NTSR1: variants seen among roughly 807,000 people sequenced by gnomAD.
The protein encoded by NTSR1 is neurotensin receptor type 1.
Under a neutral mutation model 31.2 loss-of-function variants are expected in NTSR1, and 29 were observed. The ratio of observed to expected loss-of-function variants is 0.93; its 90% CI spans 0.69 to 1.27. NTSR1 has a LOEUF of 1.27. Among genes scored for constraint, NTSR1 ranks in the 50% most tolerant of loss-of-function variants. NTSR1 has a pLI of 0.00. For synonymous variants in NTSR1, 282 were observed against 269.9 expected (o/e 1.04, Z -0.44); for missense variants, 697 against 595.4 (o/e 1.17, Z -1.78).
intron 3 of NTSR1, 91 bp from the exon 4 acceptor site, chr20:62,759,927 C>A: frequency 1.5e-6 from 2 of 1,290,366 alleles, no homozygotes; most frequent in Non-Finnish European, 2.2e-6. Flanking sequence ...TGAGCCACCA[C>A]GTCCCTCAGC....
Position 62,722,934 on chromosome 20 carries a change from A to G in NTSR1, c.714+13013A>G, listed in dbSNP as rs112903325. On this transcript the variant is annotated intron_variant, in intron 1 of 3. Coordinates refer to ENST00000370501, the MANE Select transcript of NTSR1 (RefSeq NM_002531.3). The stretch of plus-strand genomic sequence containing the variant: ...TCAAAGGAATTATTAAAACAATGTT[A>G]CAAAAGAACACAGAACAAAGAAATA... Among the ~76,000 whole-genome samples, 470 of 152,368 alleles carry G rather than the reference A, an allele frequency of 3.1e-3. 5 individuals carry two copies. Among genetic ancestry groups the G allele is most frequent in the African/African-American group, 0.011 (443 of 41,588 alleles).
intron 1 of NTSR1, among the ~76,000 whole-genome samples, chr20:62,710,789 CCAGGGAGGAAGT>C (rs2147130148): frequency 6.6e-6 from 1 of 152,236 alleles, no homozygotes; most frequent in African/African-American, 2.4e-5. Context: ...AGGCTGGTGT[CCAGGGAGGAAGT>C]CAGGGCCGGT....
chr20:62,750,690 CAAAAAAA>C lies in NTSR1; in HGVS notation c.715-3979_715-3973del, dbSNP rs59850535. Among the ~76,000 whole-genome samples, 164 of 55,158 alleles carry C rather than the reference CAAAAAAA, an allele frequency of 3.0e-3. 2 individuals carry two copies. In the South Asian group the frequency reaches 0.049, roughly 17 times the overall value. 36.2% of individuals were successfully genotyped at this position (55,158 alleles called of 152,430 possible). On this transcript the variant is annotated intron_variant, in intron 1 of 3. Coordinates refer to ENST00000370501, the MANE Select transcript of NTSR1 (RefSeq NM_002531.3). ...TGGGCGACAGAGCGAGACTCCGTCT[CAAAAAAA>C]AAAAAAAAAAAAAAACAATACTGCA...
At chr20:62,757,903 C>A (rs1989538600) in intron 2 of NTSR1, among the ~76,000 whole-genome samples, 1 of 151,886 alleles carries the variant, frequency 6.6e-6, no homozygotes, top group Admixed American at 6.6e-5. Flanking sequence ...GGTCTCTGAG[C>A]CCATGTCTCC....
intron 1 of NTSR1, among the ~76,000 whole-genome samples, chr20:62,736,540 G>A (rs1328485244): frequency 1.3e-5 from 2 of 152,158 alleles, no homozygotes; most frequent in African/African-American, 4.8e-5. Context: ...CAAAGAGAGG[G>A]CTCCCAGCTA....
At position 62,709,335 on chromosome 20, in the gene NTSR1, C is replaced by T. The variant is rs138819154; in HGVS notation, c.128C>T (p.Ser43Leu). ...PGFGNASGNA[S>L]ERVLAAPSSE... ...TTCGGCAACGCTTCGGGCAACGCGT[C>T]GGAGCGCGTCCTGGCGGCACCCAGC... Residue 43 changes from serine (S) to leucine (L), a missense_variant, in exon 1 of 4, where the codon TCG becomes TTG. Physicochemically the swap from Ser to Leu is moderately radical, Grantham distance 145. Coordinates refer to ENST00000370501, the MANE Select transcript of NTSR1 (RefSeq NM_002531.3). 26 of 1,609,050 alleles carry T rather than the reference C, an allele frequency of 1.6e-5. No individual in the cohort carries two copies. Among genetic ancestry groups the T allele is most frequent in the Middle Eastern group, 3.3e-4 (2 of 6,072 alleles).
Position 62,743,952 on chromosome 20 carries a change from C to T in NTSR1, c.715-10733C>T, listed in dbSNP as rs1057513875. On this transcript the variant is annotated intron_variant, in intron 1 of 3. Transcript: ENST00000370501. This position sits in a 1 kb window ranked among gnomAD's most constrained non-coding sequence, Gnocchi z 7.5. The stretch of plus-strand genomic sequence containing the variant: ...CCTCCCGCTCCCCACCTGGTCTCCA[C>T]GGCCAAGCTCAGACCAACCACCCAG... 3.9e-5 allele frequency among the ~76,000 whole-genome samples: 6 copies of T among 152,184 alleles called. No individual in the cohort carries two copies. The highest frequency in any genetic ancestry group is 2.1e-4 in the South Asian group (1 of 4,828).
Position 62,741,568 on chromosome 20 carries a change from G to A in NTSR1, c.715-13117G>A, listed in dbSNP as rs1351708528. 2.0e-5 allele frequency among the ~76,000 whole-genome samples: 3 copies of A among 149,554 alleles called. No individual in the cohort carries two copies. Among genetic ancestry groups the A allele is most frequent in the African/African-American group, 7.5e-5 (3 of 40,060 alleles). ...CATGTCTGTGCGCCCCTTCGAGCAT[G>A]CCTGGGCATTGTCCATGGTACTGAA... is the stretch of plus-strand genomic sequence containing the variant. On this transcript the variant is annotated intron_variant, in intron 1 of 3. Coordinates refer to ENST00000370501, the MANE Select transcript of NTSR1 (RefSeq NM_002531.3). This position sits in a 1 kb window ranked among gnomAD's most constrained non-coding sequence, Gnocchi z 4.3.
At position 62,741,123 on chromosome 20, in the gene NTSR1, G is replaced by C. The variant is rs1989197723; in HGVS notation, c.715-13562G>C. ...CAGGTAGAGGAGGCAAGGGTGTCAGGAAGGCTCTTTCCCTAATCTGACTAA... is the reference window on the plus strand; with the variant it reads ...CAGGTAGAGGAGGCAAGGGTGTCAGCAAGGCTCTTTCCCTAATCTGACTAA... On this transcript the variant is annotated intron_variant, in intron 1 of 3. Transcript: ENST00000370501. The surrounding 1 kb of genome is among the most constrained non-coding windows in gnomAD (Gnocchi z 4.3). 6.6e-6 allele frequency among the ~76,000 whole-genome samples: 1 copy of C among 152,040 alleles called. No individual in the cohort carries two copies. Among genetic ancestry groups the C allele is most frequent in the African/African-American group, 2.4e-5 (1 of 41,408 alleles).
chr20:62,710,718 C>T (rs1033695610), intron 1 of NTSR1, among the ~76,000 whole-genome samples: 7 of 152,012 alleles, frequency 4.6e-5, no homozygotes, highest in Non-Finnish European at 7.4e-5. Flanking sequence ...GGCTGAGGTT[C>T]GTGGCACGGG....
At chr20:62,724,995 C>A (rs1267996927) in intron 1 of NTSR1, among the ~76,000 whole-genome samples, 1 of 152,242 alleles carries the variant, frequency 6.6e-6, no homozygotes, top group Non-Finnish European at 1.5e-5. Context: ...CACTCTTTTC[C>A]CAAATAAGGT....
chr20:62,740,315 C>T lies in NTSR1; in HGVS notation c.715-14370C>T, dbSNP rs1235957385. Among the ~76,000 whole-genome samples the T allele has an allele frequency of 6.1e-5, 9 of 147,276 alleles. No individual in the cohort carries two copies. The East Asian group carries it at 7.8e-4, about 13-fold the overall frequency. ...GGCAGATCTTACAAGCCGTGCAGGCCGGAAGGAAAAGGGTTGTGGGGCTCA... is the reference window on the plus strand; with the variant it reads ...GGCAGATCTTACAAGCCGTGCAGGCTGGAAGGAAAAGGGTTGTGGGGCTCA... On this transcript the variant is annotated intron_variant, in intron 1 of 3. Coordinates refer to ENST00000370501, the MANE Select transcript of NTSR1 (RefSeq NM_002531.3).
intron 1 of NTSR1, among the ~76,000 whole-genome samples, chr20:62,753,155 G>T (rs565546068): frequency 6.6e-6 from 1 of 152,216 alleles, no homozygotes; most frequent in African/African-American, 2.4e-5. Context: ...CTTCCTGAAG[G>T]CCTCTGAGTG....
Position 62,745,506 on chromosome 20 carries a change from A to G in NTSR1, c.715-9179A>G, listed in dbSNP as rs866566472. On this transcript the variant is annotated intron_variant, in intron 1 of 3. Coordinates refer to ENST00000370501, the MANE Select transcript of NTSR1 (RefSeq NM_002531.3). This position sits in a 1 kb window ranked among gnomAD's most constrained non-coding sequence, Gnocchi z 4.1. ...GAGACACACAGACAGAGACAGACACAGGAAAACAGTGAAAGACAGAGACAC... is the reference window on the plus strand; with the variant it reads ...GAGACACACAGACAGAGACAGACACGGGAAAACAGTGAAAGACAGAGACAC... Among the ~76,000 whole-genome samples the G allele has an allele frequency of 6.4e-4, 97 of 152,188 alleles. No homozygotes were observed. The highest frequency in any genetic ancestry group is 2.2e-3 in the African/African-American group (90 of 41,444).
At position 62,760,109 on chromosome 20, in the gene NTSR1, G is replaced by A. The variant is rs765864962; in HGVS notation, c.1099G>A (p.Val367Ile). 6.2e-6 allele frequency: 10 copies of A among 1,613,986 alleles called. No homozygotes were observed. The highest frequency in any genetic ancestry group is 5.5e-5 in the South Asian group (5 of 91,088). The change falls in exon 4 of 4, where the codon GTC becomes ATC. Residue 367 changes from valine to isoleucine, a missense_variant. Transcript: ENST00000370501. ...CATCAACCCCATCCTGTACAACCTC[G>A]TCTCTGCCAACTTCCGCCACATCTT... ...STINPILYNL[V>I]SANFRHIFLA...
chr20:62,727,159 C>T (rs1245161365), intron 1 of NTSR1, among the ~76,000 whole-genome samples: 1 of 152,202 alleles, frequency 6.6e-6, no homozygotes, highest in Non-Finnish European at 1.5e-5. Context: ...CAGGGCAGGA[C>T]ACACCAGCCC....
Position 62,709,321 on chromosome 20 carries a change from T to TTCGGGCAACGCG in NTSR1, c.119_130dup (p.Gly40_Ser43dup), listed in dbSNP as rs768388661. 6.2e-7 allele frequency: 1 copy of TTCGGGCAACGCG among 1,607,582 alleles called. No individual in the cohort carries two copies. The highest frequency in any genetic ancestry group is 1.1e-5 in the South Asian group (1 of 90,758). ...TGCTGGCCCCGGGCTTCGGCAACGCTTCGGGCAACGCGTCGGAGCGCGTCC... is the reference window on the plus strand; with the variant it reads ...TGCTGGCCCCGGGCTTCGGCAACGCTTCGGGCAACGCGTCGGGCAACGCGTCGGAGCGCGTCC... On this transcript the variant is annotated inframe_insertion, in exon 1 of 4. Coordinates refer to ENST00000370501, the MANE Select transcript of NTSR1 (RefSeq NM_002531.3).
At chr20:62,754,614 G>C in intron 1 of NTSR1, 71 bp from the exon 2 acceptor site, 1 of 1,277,040 alleles carries the variant, frequency 7.8e-7, no homozygotes, top group Non-Finnish European at 1.1e-6. Context: ...AATCAGCACG[G>C]CAGGCATCCC....
intron 1 of NTSR1, among the ~76,000 whole-genome samples, chr20:62,738,215 GTGC>G (rs1989140080): frequency 1.3e-5 from 2 of 152,210 alleles, no homozygotes; most frequent in African/African-American, 4.8e-5. Flanking sequence ...ATGAACCCAG[GTGC>G]ACGCAGAGGG....
Sources: gnomAD v4.1 joint callset for allele counts (sites outside exome capture counted in the v4.1 genomes callset) on GRCh38, gnomAD v4.1.1 for gene constraint, Gnocchi (gnomAD v3.1) non-coding constraint, MANE v1.5 for transcripts, NCBI Gene and HGNC (gene_info 2026-07-23, HGNC 2026-07-21) for gene names.